Variants in MID1 observed in about 807,000 individuals in gnomAD.
The protein encoded by MID1 is E3 ubiquitin-protein ligase Midline-1.
Under a neutral mutation model 40.4 loss-of-function variants are expected in MID1, and 7 were observed. That is an observed-to-expected ratio of 0.17 (90% CI 0.10 to 0.33). MID1 has a LOEUF of 0.33. Ranked by LOEUF, MID1 falls within the 10% of genes least tolerant of loss-of-function variation. The pLI, the probability that MID1 is intolerant of heterozygous loss-of-function variation, is 1.00. For missense variants in MID1, 367 were observed against 558.5 expected (o/e 0.66, Z 3.46); for synonymous variants, 229 against 221.2 (o/e 1.04, Z -0.31).
At chrX:10,730,882 T>C (rs2043444282) in intron 1 of MID1, among the ~76,000 whole-genome samples, 1 of 111,638 alleles carries the variant, frequency 9.0e-6, no homozygotes. Flanking sequence ...CAAGATCAGA[T>C]ACTTTTGAGA....
chrX:10,507,658 C>G (rs904690232), intron 3 of MID1, among the ~76,000 whole-genome samples: 1 of 112,248 alleles, frequency 8.9e-6, no homozygotes, highest in African/African-American at 3.2e-5. Flanking sequence ...GAGGTTATGC[C>G]TGACATATGA....
chrX:10,767,914 A>G (rs1347384740), intron 1 of MID1, among the ~76,000 whole-genome samples: 2 of 112,161 alleles, frequency 1.8e-5, no homozygotes, highest in Non-Finnish European at 3.8e-5. Context: ...TTAGATTTAT[A>G]AAAGTTGTTT....
At chrX:10,589,236 A>C (rs980423882) in intron 1 of MID1, among the ~76,000 whole-genome samples, 5 of 111,783 alleles carry the variant, frequency 4.5e-5, no homozygotes, top group African/African-American at 1.6e-4. Context: ...CAAAAACAAA[A>C]ACCAAAGTGC....
chrX:10,702,545 A>G (rs1383610263), intron 1 of MID1, among the ~76,000 whole-genome samples: 1 of 112,439 alleles, frequency 8.9e-6, no homozygotes, highest in African/African-American at 3.2e-5. Flanking sequence ...TTTGTCTTTA[A>G]TTACACATCC....
chrX:10,709,082 C>A (rs1400873556), intron 1 of MID1, among the ~76,000 whole-genome samples: 1 of 112,150 alleles, frequency 8.9e-6, no homozygotes, highest in Non-Finnish European at 1.9e-5. Context: ...TAAGATGCGT[C>A]CTGCTGAGAA....
intron 1 of MID1, among the ~76,000 whole-genome samples, chrX:10,671,225 A>C (rs750894703): frequency 1.8e-5 from 2 of 111,963 alleles, no homozygotes; most frequent in African/African-American, 6.5e-5. Context: ...TCACAAAATT[A>C]TAATTGTTTG....
intron 2 of MID1, chrX:10,565,269 A>G (rs1041802460): frequency 3.0e-6 from 1 of 329,718 alleles, no homozygotes; most frequent in Admixed American, 3.1e-5. Context: ...TTCTTTGGAT[A>G]CTTGAAGTGA....
At chrX:10,696,269 A>G (rs1016017787) in intron 1 of MID1, among the ~76,000 whole-genome samples, 3 of 111,881 alleles carry the variant, frequency 2.7e-5, no homozygotes, top group Non-Finnish European at 5.6e-5. Flanking sequence ...GCATCACTTC[A>G]GTAAACACAC....
At chrX:10,720,614 C>T (rs1262708618) in intron 1 of MID1, among the ~76,000 whole-genome samples, 11 of 111,903 alleles carry the variant, frequency 9.8e-5, no homozygotes, top group South Asian at 3.8e-4. Flanking sequence ...TGTAAACTAG[C>T]TCAACCATTG....
At chrX:10,549,172 T>A (rs1933811776) in intron 2 of MID1, among the ~76,000 whole-genome samples, 1 of 112,818 alleles carries the variant, frequency 8.9e-6, no homozygotes, top group African/African-American at 3.2e-5. Flanking sequence ...AGACCTCTCA[T>A]AAAGACACAG....
intron 1 of MID1, among the ~76,000 whole-genome samples, chrX:10,749,332 G>A (rs1405418426): frequency 9.0e-6 from 1 of 111,236 alleles, no homozygotes; most frequent in Non-Finnish European, 1.9e-5. Flanking sequence ...GACCAACAGC[G>A]TCAGCATCTC....
At chrX:10,687,283 T>C (rs1164287367) in intron 1 of MID1, among the ~76,000 whole-genome samples, 8 of 111,998 alleles carry the variant, frequency 7.1e-5, no homozygotes. Flanking sequence ...ATGAGTCTTT[T>C]GTCTCTTAAA....
chrX:10,470,993 G>A (rs1444049322), intron 6 of MID1, among the ~76,000 whole-genome samples: 2 of 111,965 alleles, frequency 1.8e-5, no homozygotes, highest in Admixed American at 1.9e-4. Context: ...TATTGTCTAT[G>A]GCTGCTTTGG....
intron 1 of MID1, among the ~76,000 whole-genome samples, chrX:10,598,665 T>A (rs113971574): frequency 0.024 from 2,736 of 112,111 alleles, 97 homozygotes; most frequent in African/African-American, 0.084. Flanking sequence ...AATGCAGATG[T>A]CCCTTAGAAA....
At chrX:10,798,514 T>C (rs757252851) in intron 1 of MID1, among the ~76,000 whole-genome samples, 2 of 111,956 alleles carry the variant, frequency 1.8e-5, no homozygotes, top group African/African-American at 3.3e-5. Flanking sequence ...CACTTTGATC[T>C]CTCACCCCAT....
intron 1 of MID1, among the ~76,000 whole-genome samples, chrX:10,629,120 C>A (rs768139732): frequency 8.9e-6 from 1 of 111,943 alleles, no homozygotes; most frequent in South Asian, 3.7e-4. Flanking sequence ...CCACAATCTA[C>A]CTCCAAAAGT....
intron 1 of MID1, among the ~76,000 whole-genome samples, chrX:10,716,250 T>G (rs2043302329): frequency 8.9e-6 from 1 of 111,774 alleles, no homozygotes; most frequent in Admixed American, 9.5e-5. Context: ...TACTCCGACC[T>G]AAAGGAGGAA....
At chrX:10,606,094 G>A (rs982986825) in intron 1 of MID1, among the ~76,000 whole-genome samples, 1 of 110,701 alleles carries the variant, frequency 9.0e-6, no homozygotes, top group Non-Finnish European at 1.9e-5. Context: ...AACTAAAACC[G>A]GAATTTAAAT....
At chrX:10,560,110 C>T (rs1003083827) in intron 2 of MID1, among the ~76,000 whole-genome samples, 6 of 110,706 alleles carry the variant, frequency 5.4e-5, no homozygotes, top group South Asian at 3.8e-4. Context: ...TGGTCTCAAA[C>T]GACCAAGCTC....
Sources: allele counts gnomAD v4.1 joint callset (sites outside exome capture counted in the v4.1 genomes callset), GRCh38; gene constraint gnomAD v4.1.1; transcripts MANE v1.5; gene names NCBI Gene and HGNC (gene_info 2026-07-23, HGNC 2026-07-21).